The following ZRANB3 variants were observed in gnomAD, a reference collection of about 807,000 sequenced individuals.
ZRANB3 encodes the protein DNA annealing helicase and endonuclease ZRANB3.
Under a neutral mutation model 133.8 loss-of-function variants are expected in ZRANB3, and 125 were observed. The observed-to-expected ratio is 0.93, with a 90% CI of 0.81 to 1.08. ZRANB3 has a LOEUF of 1.08. ZRANB3 is among the 50% of genes least tolerant of loss of function. The pLI, the probability that ZRANB3 is intolerant of heterozygous loss-of-function variation, is 0.00. For synonymous variants in ZRANB3, 387 were observed against 432.7 expected, an observed-to-expected ratio of 0.89 and a Z score of 1.31; for missense variants, 1,229 against 1,275.5, an observed-to-expected ratio of 0.96 and a Z score of 0.56.
intron 2 of ZRANB3, among the ~76,000 whole-genome samples, chr2:135,411,003 C>T (rs942827791): frequency 6.6e-6 from 1 of 152,094 alleles, no homozygotes; most frequent in Non-Finnish European, 1.5e-5. Flanking sequence ...TTTTGGGAGG[C>T]CAATGTGGGC....
chr2:135,505,880 T>C (rs16831750), intron 1 of ZRANB3, among the ~76,000 whole-genome samples: 15,859 of 152,168 alleles, frequency 0.1, 1,091 homozygotes, highest in South Asian at 0.32. Context: ...TTAATTATAA[T>C]ATAGCACAAA....
chr2:135,305,907 A>ATCCTAGTGTC (rs1462918912), intron 8 of ZRANB3, among the ~76,000 whole-genome samples: 1 of 151,968 alleles, frequency 6.6e-6, no homozygotes, highest in Non-Finnish European at 1.5e-5. Flanking sequence ...TGAATATATT[A>ATCCTAGTGTC]TCCTAGTGTC....
In ZRANB3 at chr2:135,206,732, GAA is replaced by G. The variant is rs1232147773; in HGVS notation, c.3009+700_3009+701del. ...AGGGAGGAAGGAAGGGAGAGAGAGA[GAA>G]AGGGGAAGAGGGAGGGGGGAACAGG... On this transcript the variant is annotated intron_variant, in intron 19 of 20. Transcript: ENST00000264159. Among the ~76,000 whole-genome samples, 6 of 144,198 alleles carry G rather than the reference GAA, an allele frequency of 4.2e-5. No homozygotes were observed. The East Asian group carries it at 6.5e-4, about 16-fold the overall frequency. 94.6% of individuals were successfully genotyped at this position (144,198 alleles called of 152,430 possible).
rs573919115 is a variant in ZRANB3 at position 135,478,591 on chromosome 2, G to A, written c.161+25738C>T. Among the ~76,000 whole-genome samples the A allele has an allele frequency of 8.1e-4, 124 of 152,202 alleles. 1 individual carries two copies. The highest frequency in any genetic ancestry group is 2.6e-3 in the African/African-American group (110 of 41,524). ...ATGTATGTATGTACAATTAATATAT[G>A]TCTTTTATGGCTGGTTTCTTTCACT... On this transcript the variant is annotated intron_variant, in intron 2 of 20. Coordinates refer to ENST00000264159, the MANE Select transcript of ZRANB3 (RefSeq NM_032143.4).
At chr2:135,219,707 G>C (rs561993390) in intron 15 of ZRANB3, among the ~76,000 whole-genome samples, 12 of 152,290 alleles carry the variant, frequency 7.9e-5, no homozygotes, top group African/African-American at 2.4e-4. Context: ...AGGAAGTAAA[G>C]AGAAGGTAGA....
chr2:135,480,088 C>G (rs1691702541), intron 2 of ZRANB3, among the ~76,000 whole-genome samples: 1 of 150,354 alleles, frequency 6.7e-6, no homozygotes, highest in African/African-American at 2.5e-5. Context: ...CGCCCGCCAC[C>G]ATGTCAGGCT....
intron 8 of ZRANB3, among the ~76,000 whole-genome samples, chr2:135,277,805 A>G (rs1680911406): frequency 6.6e-6 from 1 of 151,812 alleles, no homozygotes; most frequent in Admixed American, 6.6e-5. Flanking sequence ...CGTGCCTGTA[A>G]TCCCAGCTAC....
Position 135,202,941 on chromosome 2 carries a change from G to C in ZRANB3, c.3032C>G (p.Pro1011Arg). ...LEQLNEMIRN[P>R]GEGHFWQVDH... ...CACCTGCCAGAAATGTCCTTCCCCT[G>C]GGTTTCTTATCATTTCATTTAGCTG... is the stretch of plus-strand genomic sequence containing the variant. Residue 1011 changes from proline (P) to arginine (R), a missense_variant, in exon 20 of 21, where the codon CCA becomes CGA. Coordinates refer to ENST00000264159, the MANE Select transcript of ZRANB3 (RefSeq NM_032143.4). 1 of 1,612,598 alleles carries C rather than the reference G, an allele frequency of 6.2e-7. No homozygotes were observed. Among genetic ancestry groups the C allele is most frequent in the Non-Finnish European group, 8.5e-7 (1 of 1,179,382 alleles).
chr2:135,338,034 C>T (rs7595046), intron 6 of ZRANB3, among the ~76,000 whole-genome samples: 40,712 of 152,020 alleles, frequency 0.27, 9,132 homozygotes, highest in African/African-American at 0.6. Context: ...TCCAAGATGA[C>T]TGTGCTGCGT....
rs1215563409 is a variant in ZRANB3, at chr2:135,199,667, A to G, written c.*675T>C. 1.3e-5 allele frequency: 2 copies of G among 152,246 alleles called. No homozygotes were observed. The highest frequency in any genetic ancestry group is 6.5e-5 in the Admixed American group (1 of 15,274). 9.4% of individuals were successfully genotyped at this position (152,246 alleles called of 1,614,324 possible). On this transcript the variant is annotated 3_prime_UTR_variant, in exon 21 of 21. Coordinates refer to ENST00000264159, the MANE Select transcript of ZRANB3 (RefSeq NM_032143.4). ...AAAAATCAAGCTTAAGTGGCATTTTACATTTTATGTTTTCAGTTATTTAAT... is the reference window on the plus strand; with the variant it reads ...AAAAATCAAGCTTAAGTGGCATTTTGCATTTTATGTTTTCAGTTATTTAAT...
At chr2:135,256,428 A>G (rs1679656543) in intron 12 of ZRANB3, among the ~76,000 whole-genome samples, 1 of 152,176 alleles carries the variant, frequency 6.6e-6, no homozygotes, top group Admixed American at 6.5e-5. Context: ...TCCCGGGTAT[A>G]GACAATTCTC....
At chr2:135,263,033 C>A (rs898576282) in intron 12 of ZRANB3, among the ~76,000 whole-genome samples, 1 of 151,968 alleles carries the variant, frequency 6.6e-6, no homozygotes, top group African/African-American at 2.4e-5. Flanking sequence ...TACTTCTGAT[C>A]TTTTTATAAA....
At chr2:135,420,355 G>C (rs1182180846) in intron 2 of ZRANB3, among the ~76,000 whole-genome samples, 1 of 151,862 alleles carries the variant, frequency 6.6e-6, no homozygotes, top group African/African-American at 2.4e-5. Context: ...TACAGTTTAA[G>C]GAAAAATATT....
At chr2:135,451,249 T>C (rs2105005254) in intron 2 of ZRANB3, among the ~76,000 whole-genome samples, 1 of 152,230 alleles carries the variant, frequency 6.6e-6, no homozygotes, top group East Asian at 1.9e-4. Flanking sequence ...TGGAAATATA[T>C]ACCATGTCTG....
chr2:135,396,581 C>T (rs1687495944), intron 2 of ZRANB3, among the ~76,000 whole-genome samples: 1 of 152,072 alleles, frequency 6.6e-6, no homozygotes, highest in Non-Finnish European at 1.5e-5. Flanking sequence ...AAACTTTGCA[C>T]GTTCTCACTT....
chr2:135,467,665 T>C (rs1691059442), intron 2 of ZRANB3, among the ~76,000 whole-genome samples: 1 of 152,212 alleles, frequency 6.6e-6, no homozygotes, highest in African/African-American at 2.4e-5. Flanking sequence ...ATGCTAAGCA[T>C]TGCCCATCTT....
At chr2:135,398,961 A>C (rs1397576224) in intron 2 of ZRANB3, among the ~76,000 whole-genome samples, 2 of 152,202 alleles carry the variant, frequency 1.3e-5, no homozygotes, top group African/African-American at 4.8e-5. Flanking sequence ...ACACTTGTTG[A>C]ATCTTTGGCT....
chr2:135,382,058 A>C (rs1686728612), intron 3 of ZRANB3, among the ~76,000 whole-genome samples: 1 of 152,202 alleles, frequency 6.6e-6, no homozygotes, highest in Non-Finnish European at 1.5e-5. Context: ...CTAAAGGAGG[A>C]AGTACGAACC....
intron 2 of ZRANB3, among the ~76,000 whole-genome samples, chr2:135,397,915 A>G (rs1471138939): frequency 6.6e-6 from 1 of 152,150 alleles, no homozygotes; most frequent in Non-Finnish European, 1.5e-5. Flanking sequence ...ACTTAGGGTC[A>G]TTGTCTGCAT....
Sources: allele counts gnomAD v4.1 joint callset (sites outside exome capture counted in the v4.1 genomes callset), GRCh38; gene constraint gnomAD v4.1.1; transcripts MANE v1.5; gene names NCBI Gene and HGNC (gene_info 2026-07-23, HGNC 2026-07-21).